Variants in ADD2 observed in about 807,000 individuals in gnomAD.
The protein encoded by ADD2 is adducin 2.
ADD2 carries 23 observed loss-of-function variants against 83.0 expected under a neutral mutation model. That is an observed-to-expected ratio of 0.28 (90% CI 0.20 to 0.39). ADD2 has a LOEUF of 0.39. ADD2 is among the 10% of genes least tolerant of loss of function. The probability of loss-of-function intolerance (pLI) is 1.00; values close to 1 mark genes in which losing one functional copy is unlikely to be tolerated. For synonymous variants in ADD2, 375 were observed against 375.4 expected, an observed-to-expected ratio of 1.00 and a Z score of 0.01; for missense variants, 758 against 944.9, an observed-to-expected ratio of 0.80 and a Z score of 2.59.
rs1553371854 is a variant in ADD2, at chr2:70,692,488, G to A, written c.620C>T (p.Thr207Ile). 1.2e-6 allele frequency: 2 copies of A among 1,613,152 alleles called. No individual in the cohort carries two copies. The highest frequency in any genetic ancestry group is 1.7e-5 in the Admixed American group (1 of 59,904). Residue 207 changes from threonine to isoleucine, a missense_variant, in exon 7 of 16, where the codon ACA becomes ATA. Thr to Ile is a moderately conservative substitution (Grantham distance 89). This residue lies in a region of ADD2 where 394 missense variants were observed against 509.3 expected (regional missense o/e 0.77). Transcript: ENST00000264436. ...GATGGCCGAGTGCAGACAGAAGCCT[G>A]TGGTGTCCACTGGGAAGCAGCTGCT... is the stretch of plus-strand genomic sequence containing the variant. ...KGSSCFPVDT[T>I]GFCLHSAIYA... is the part of the protein sequence containing the mutation.
intron 10 of ADD2, among the ~76,000 whole-genome samples, chr2:70,679,789 C>T (rs766145240): frequency 5.9e-5 from 9 of 152,118 alleles, no homozygotes; most frequent in Non-Finnish European, 1.2e-4. Context: ...TATGCATATA[C>T]ATGTGTGTCC....
chr2:70,690,871 T>C lies in ADD2; in HGVS notation c.764A>G (p.Asp255Gly). 6.2e-7 allele frequency: 1 copy of C among 1,614,004 alleles called. No individual in the cohort carries two copies. Among genetic ancestry groups the C allele is most frequent in the Non-Finnish European group, 8.5e-7 (1 of 1,180,002 alleles). ...PVSHNALLVGDMAYYDFNGEM... is the reference protein window; with the variant it reads ...PVSHNALLVGGMAYYDFNGEM... ...CCCATTGAAGTCATAATAGGCCATG[T>C]CCCCCACCAGCAGGGCATTGTGGGA... Residue 255 changes from aspartate (D) to glycine (G), a missense_variant, in exon 8 of 16, where the codon GAC becomes GGC. Asp to Gly is a moderately conservative substitution (Grantham distance 94). Transcript: ENST00000264436.
intron 1 of ADD2, among the ~76,000 whole-genome samples, chr2:70,731,238 A>G (rs1574299180): frequency 6.6e-6 from 1 of 151,908 alleles, no homozygotes; most frequent in Admixed American, 6.6e-5. Context: ...AGAGAAAAGG[A>G]GGAAGAAATG....
intron 14 of ADD2, chr2:70,673,414 A>G: frequency 5.3e-6 from 6 of 1,136,336 alleles, no homozygotes; most frequent in Middle Eastern, 2.8e-4. Context: ...AACTCCCCTT[A>G]TTTTATTTTT....
intron 9 of ADD2, 61 bp downstream of exon 9, chr2:70,687,963 T>C: frequency 7.6e-7 from 1 of 1,308,490 alleles, no homozygotes; most frequent in Non-Finnish European, 1.1e-6. Flanking sequence ...GTCACCACGT[T>C]TGCCCACAGG....
At chr2:70,728,226 T>C (rs1170429362) in intron 1 of ADD2, among the ~76,000 whole-genome samples, 2 of 152,220 alleles carry the variant, frequency 1.3e-5, no homozygotes, top group African/African-American at 2.4e-5. Context: ...CTGGACCTCA[T>C]AGGCCACGGC....
intron 8 of ADD2, 115 bp downstream of exon 8, chr2:70,690,671 C>CTT: frequency 8.1e-7 from 1 of 1,236,442 alleles, no homozygotes; most frequent in Non-Finnish European, 1.1e-6. Flanking sequence ...AGAGATCTTT[C>CTT]TTTTTTTTCC....
At position 70,674,813 on chromosome 2, in the gene ADD2, G is replaced by A; in HGVS notation, c.1606C>T (p.Gln536Ter). 6.2e-7 allele frequency: 1 copy of A among 1,613,858 alleles called. No individual in the cohort carries two copies. The highest frequency in any genetic ancestry group is 8.5e-7 in the Non-Finnish European group (1 of 1,179,888). The change falls in exon 14 of 16, where the codon CAG becomes TAG. Residue 536 changes from glutamine (Q) to a stop codon, truncating the protein, a stop_gained. Coordinates refer to ENST00000264436, the MANE Select transcript of ADD2 (RefSeq NM_001617.4). LOFTEE classifies it high-confidence loss of function. ...EKSRSPSTES[Q>*]LMSKGDEDTK... The stretch of plus-strand genomic sequence containing the variant: ...TCCTCGTCTCCCTTGGACATCAGCT[G>A]GCTCTCTGTAGACTGAAAGTTAACC...
At chr2:70,680,400 A>T (rs1169082482) in intron 10 of ADD2, among the ~76,000 whole-genome samples, 2 of 152,224 alleles carry the variant, frequency 1.3e-5, no homozygotes, top group African/African-American at 2.4e-5. Flanking sequence ...CCATTCTGCT[A>T]GTGCCACGCC....
chr2:70,676,049 G>T lies in ADD2; in HGVS notation c.1593+747C>A. The T allele has an allele frequency of 1.1e-5, 11 of 985,392 alleles. No individual in the cohort carries two copies. Among genetic ancestry groups the T allele is most frequent in the Non-Finnish European group, 1.3e-5 (11 of 829,930 alleles). The allele number at this position is 985,392 out of a possible 1,614,324, so 61.0% of individuals were successfully genotyped here. ...CACCCACCCTGTGGGCTGCAGTCTT[G>T]ACCTGAAATCATTGCATCATCACAA... On this transcript the variant is annotated intron_variant, in intron 13 of 15. Transcript: ENST00000264436. The surrounding 1 kb of genome is among the most constrained non-coding windows in gnomAD (Gnocchi z 4.8).
At chr2:70,731,467 G>A (rs1251808225) in intron 1 of ADD2, among the ~76,000 whole-genome samples, 1 of 152,166 alleles carries the variant, frequency 6.6e-6, no homozygotes, top group African/African-American at 2.4e-5. Context: ...AAATAGCAAA[G>A]AACTAGACTG....
At chr2:70,675,106 C>A in intron 13 of ADD2, 1 of 1,150,070 alleles carries the variant, frequency 8.7e-7, no homozygotes, top group East Asian at 4.8e-5. Flanking sequence ...GGAAGACACA[C>A]CTTTATTGCA....
At chr2:70,762,354 G>C (rs1180856541) in intron 1 of ADD2, among the ~76,000 whole-genome samples, 1 of 151,666 alleles carries the variant, frequency 6.6e-6, no homozygotes, top group Non-Finnish European at 1.5e-5. Flanking sequence ...AATACAATGA[G>C]ACAAAGCAGG....
chr2:70,658,441 T>C lies in ADD2; in HGVS notation c.*4984A>G, dbSNP rs1553364467. The C allele has an allele frequency of 1.3e-5, 2 of 152,226 alleles. No homozygotes were observed. The highest frequency in any genetic ancestry group is 4.8e-5 in the African/African-American group (2 of 41,454). The allele number at this position is 152,226 out of a possible 1,614,324, so 9.4% of individuals were successfully genotyped here. Reference sequence around the variant, plus strand: ...TGGAAATGTGCACAGATAACCAATGTGCACATTTCATGAGTTTACAGTCAC... The same window carrying C: ...TGGAAATGTGCACAGATAACCAATGCGCACATTTCATGAGTTTACAGTCAC... On this transcript the variant is annotated 3_prime_UTR_variant, in exon 16 of 16. Transcript: ENST00000264436.
At chr2:70,731,787 C>T (rs1398388677) in intron 1 of ADD2, among the ~76,000 whole-genome samples, 2 of 152,206 alleles carry the variant, frequency 1.3e-5, no homozygotes, top group African/African-American at 4.8e-5. Flanking sequence ...CTGCTGTTCC[C>T]CAGGGACACT....
intron 1 of ADD2, among the ~76,000 whole-genome samples, chr2:70,763,817 T>C (rs1485415805): frequency 6.6e-6 from 1 of 151,852 alleles, no homozygotes; most frequent in Admixed American, 6.6e-5. Context: ...AGCTAGTAAG[T>C]AGAAAAATAA....
At chr2:70,689,584 C>T (rs1376657941) in intron 8 of ADD2, among the ~76,000 whole-genome samples, 1 of 152,240 alleles carries the variant, frequency 6.6e-6, no homozygotes, top group South Asian at 2.1e-4. Flanking sequence ...TCCCTCTCCC[C>T]ACACTCTAAA....
At chr2:70,679,697 T>TA (rs34201521) in intron 10 of ADD2, among the ~76,000 whole-genome samples, 49,721 of 151,584 alleles carry the variant, frequency 0.33, 8,391 homozygotes, top group East Asian at 0.44. Flanking sequence ...TAAGCAAAAT[T>TA]AAAAAAAATA....
chr2:70,678,803 C>T lies in ADD2; in HGVS notation c.1284G>A (p.Lys428=), dbSNP rs1314710922. The change falls in exon 11 of 16, where the codon AAG becomes AAA. Residue 428 remains lysine, a synonymous_variant. Coordinates refer to ENST00000264436, the MANE Select transcript of ADD2 (RefSeq NM_001617.4). ...ALRQHAQKQQ[K]EKTRWLNTPN... is the part of the protein sequence containing the mutation. ...GCGTATTGAGCCAGCGGGTCTTCTC[C>T]TTCTGCTGCTTCTGGGCATGCTGTC... The T allele has an allele frequency of 1.2e-6, 2 of 1,614,022 alleles. No individual in the cohort carries two copies. The highest frequency in any genetic ancestry group is 2.7e-5 in the African/African-American group (2 of 74,936).
Sources: gnomAD v4.1 joint callset for allele counts (sites outside exome capture counted in the v4.1 genomes callset) on GRCh38, gnomAD v4.1.1 for gene constraint, gnomAD v4.1.1 regional missense constraint, Gnocchi (gnomAD v3.1) non-coding constraint, MANE v1.5 for transcripts, NCBI Gene and HGNC (gene_info 2026-07-23, HGNC 2026-07-21) for gene names.